The following SMCO2 variants were observed in gnomAD, a reference collection of about 807,000 sequenced individuals.
The protein encoded by SMCO2 is single-pass membrane protein with coiled-coil domains 2, also known as single-pass membrane and coiled-coil domain-containing protein 2.
Under a neutral mutation model 29.5 loss-of-function variants are expected in SMCO2, and 25 were observed. The ratio of observed to expected loss-of-function variants is 0.85; its 90% confidence interval spans 0.62 to 1.18. The LOEUF (loss-of-function observed/expected upper bound fraction) is 1.18. Ranked by LOEUF, SMCO2 falls within the 50% of genes most tolerant of loss-of-function variation. SMCO2 has a pLI of 0.00. For synonymous variants in SMCO2, 117 were observed against 123.3 expected, an observed-to-expected ratio of 0.95 and a Z score of 0.34; for missense variants, 348 against 344.5, an observed-to-expected ratio of 1.01 and a Z score of -0.08.
At chr12:27,493,758 A>G (rs1393038559) in intron 5 of SMCO2, 2 of 152,162 alleles carry the variant, frequency 1.3e-5, no homozygotes, top group Admixed American at 6.5e-5. Flanking sequence ...TCTTGTGCTT[A>G]TTGACAGAAA....
chr12:27,498,334 A>G, intron 7 of SMCO2: 1 of 226,426 alleles, frequency 4.4e-6, no homozygotes, highest in South Asian at 7.8e-5. Context: ...AATGGAAACT[A>G]GGCCATGGCA....
the SMCO2 span, among the ~76,000 whole-genome samples, chr12:27,459,261 A>T: frequency 6.6e-6 from 1 of 152,142 alleles, no homozygotes; most frequent in African/African-American, 2.4e-5. Context: ...TATGTACCAC[A>T]GACTACTACA....
chr12:27,477,529 A>T (rs987031384), intron 4 of SMCO2, among the ~76,000 whole-genome samples: 1 of 150,502 alleles, frequency 6.6e-6, no homozygotes, highest in Non-Finnish European at 1.5e-5. Flanking sequence ...ATTTTTTTTA[A>T]TGCCTTTGCC....
chr12:27,447,227 G>C, the SMCO2 span, among the ~76,000 whole-genome samples: 11,618 of 152,034 alleles, frequency 0.076, 685 homozygotes, highest in African/African-American at 0.16. Flanking sequence ...GCCCCTTCTT[G>C]AGCTACCTCA....
chr12:27,435,498 C>A, the SMCO2 span, among the ~76,000 whole-genome samples: 9 of 151,026 alleles, frequency 6.0e-5, no homozygotes, highest in Non-Finnish European at 8.8e-5. Context: ...TGCCACCACT[C>A]ATCTGATTCC....
At chr12:27,449,215 A>G in the SMCO2 span, among the ~76,000 whole-genome samples, 1 of 152,244 alleles carries the variant, frequency 6.6e-6, no homozygotes, top group African/African-American at 2.4e-5. Flanking sequence ...GCGTTATTAG[A>G]TAAGCCGCAA....
At chr12:27,465,864 C>G (rs306633), upstream of SMCO2, among the ~76,000 whole-genome samples, 69 of 152,180 alleles carry the variant, frequency 4.5e-4, no homozygotes, top group South Asian at 0.012. Flanking sequence ...CTGTTCTGTG[C>G]TTTATCTCCA....
the SMCO2 span, among the ~76,000 whole-genome samples, chr12:27,451,318 G>C: frequency 1.3e-5 from 2 of 152,118 alleles, no homozygotes; most frequent in Non-Finnish European, 2.9e-5. Context: ...GCCTGACATT[G>C]TGGGGAGAGG....
upstream of SMCO2, among the ~76,000 whole-genome samples, chr12:27,462,337 T>C (rs1052699037): frequency 1.3e-5 from 2 of 152,106 alleles, no homozygotes; most frequent in African/African-American, 4.8e-5. Flanking sequence ...TCCCCCTTAC[T>C]CCCTTTCTTT....
the SMCO2 span, among the ~76,000 whole-genome samples, chr12:27,425,773 G>T: frequency 1.9e-4 from 29 of 151,824 alleles, no homozygotes; most frequent in African/African-American, 6.8e-4. Context: ...TGTGGTTGCA[G>T]TATCTACACT....
At chr12:27,501,415 C>CAAAAAAAAAAAAA (rs540673188) in intron 7 of SMCO2, among the ~76,000 whole-genome samples, 7 of 85,856 alleles carry the variant, frequency 8.2e-5, no homozygotes, top group Admixed American at 2.8e-4. Context: ...GACTCCGTCT[C>CAAAAAAAAAAAAA]AAAAAAAAAA....
At chr12:27,448,364 AAG>A in the SMCO2 span, among the ~76,000 whole-genome samples, 1 of 152,216 alleles carries the variant, frequency 6.6e-6, no homozygotes, top group East Asian at 1.9e-4. Flanking sequence ...TAGTTCTCCC[AAG>A]CGGCAAGTCT....
intron 5 of SMCO2, among the ~76,000 whole-genome samples, chr12:27,489,585 A>T (rs916421168): frequency 6.6e-6 from 1 of 152,166 alleles, no homozygotes; most frequent in African/African-American, 2.4e-5. Flanking sequence ...TAAAAGAGAA[A>T]ATTCTCTTTT....
At chr12:27,430,225 T>G in the SMCO2 span, among the ~76,000 whole-genome samples, 7 of 152,228 alleles carry the variant, frequency 4.6e-5, no homozygotes, top group Non-Finnish European at 1.0e-4. Flanking sequence ...TGAATTAATG[T>G]GATTGTCTGT....
intron 2 of SMCO2, among the ~76,000 whole-genome samples, chr12:27,472,115 G>A (rs561052726): frequency 7.9e-5 from 12 of 152,160 alleles, no homozygotes; most frequent in South Asian, 4.1e-4. Context: ...TTTTAAAAAC[G>A]AAGCCGCTCT....
At chr12:27,453,106 C>T in the SMCO2 span, among the ~76,000 whole-genome samples, 4,575 of 152,182 alleles carry the variant, frequency 0.03, 113 homozygotes, top group East Asian at 0.12. Flanking sequence ...AGATTGGCCC[C>T]CAGTTTTTAA....
chr12:27,471,136 C>A (rs1032290969), intron 2 of SMCO2, among the ~76,000 whole-genome samples: 1 of 152,006 alleles, frequency 6.6e-6, no homozygotes, highest in African/African-American at 2.4e-5. Context: ...TTTGCTAGTA[C>A]GTGTTTAAAA....
At chr12:27,437,311 T>A in the SMCO2 span, among the ~76,000 whole-genome samples, 1 of 152,272 alleles carries the variant, frequency 6.6e-6, no homozygotes, top group East Asian at 1.9e-4. Context: ...CATTTGTTAA[T>A]CATCTGAGTT....
chr12:27,498,581 C>A (rs903772943), intron 7 of SMCO2: 1 of 233,358 alleles, frequency 4.3e-6, no homozygotes. Context: ...AAAACCTGTC[C>A]AAAGGATGTA....
Sources: gnomAD v4.1 joint callset for allele counts (sites outside exome capture counted in the v4.1 genomes callset) on GRCh38, gnomAD v4.1.1 for gene constraint, MANE v1.5 for transcripts, NCBI Gene and HGNC (gene_info 2026-07-23, HGNC 2026-07-21) for gene names.